The following COA8 variants were observed in gnomAD, a reference collection of about 807,000 sequenced individuals.
The protein encoded by COA8 is cytochrome c oxidase assembly factor 8.
Under a neutral mutation model 22.0 loss-of-function variants are expected in COA8, and 20 were observed. The observed-to-expected ratio is 0.91, with a 90% CI of 0.64 to 1.32. COA8 has a LOEUF of 1.32. COA8 is among the 40% of genes most tolerant of loss of function. The pLI, the probability that COA8 is intolerant of heterozygous loss-of-function variation, is 0.00. For missense variants in COA8, 266 were observed against 230.0 expected, an observed-to-expected ratio of 1.16 and a Z score of -1.01; for synonymous variants, 105 against 79.9, an observed-to-expected ratio of 1.31 and a Z score of -1.68.
intron 3 of COA8, among the ~76,000 whole-genome samples, chr14:103,578,221 G>C (rs1349291470): frequency 6.6e-6 from 1 of 151,976 alleles, no homozygotes; most frequent in Admixed American, 6.6e-5. Flanking sequence ...GGGAAACATG[G>C]GAAGAGTTCA....
At chr14:103,570,913 G>A (rs1392506344) in intron 1 of COA8, among the ~76,000 whole-genome samples, 1 of 152,222 alleles carries the variant, frequency 6.6e-6, no homozygotes, top group African/African-American at 2.4e-5. Context: ...AATCACAGGG[G>A]TGTGGGACTC....
At chr14:103,568,048 A>G (rs115701329) in intron 1 of COA8, among the ~76,000 whole-genome samples, 1,906 of 152,212 alleles carry the variant, frequency 0.013, 37 homozygotes, top group African/African-American at 0.043. Context: ...ACCCTCAGTA[A>G]ATATGAAGTT....
intron 3 of COA8, 35 bp from the exon 4 acceptor site, chr14:103,587,236 CCTT>C (rs1189551968): frequency 2.6e-6 from 4 of 1,565,970 alleles, no homozygotes; most frequent in Non-Finnish European, 3.5e-6. Flanking sequence ...TATCCTTTCT[CCTT>C]AAGTCTTAAT....
chr14:103,577,781 T>C (rs1318868984), intron 3 of COA8, among the ~76,000 whole-genome samples: 1 of 151,926 alleles, frequency 6.6e-6, no homozygotes, highest in Non-Finnish European at 1.5e-5. Flanking sequence ...TCCCAGCACT[T>C]TGGGAGGCTG....
At chr14:103,580,797 GTT>G (rs377472697) in intron 3 of COA8, among the ~76,000 whole-genome samples, 8 of 122,532 alleles carry the variant, frequency 6.5e-5, no homozygotes, top group East Asian at 2.5e-4. Flanking sequence ...TTGGCCTGTT[GTT>G]TTTTTTTTTT....
At chr14:103,567,241 C>T (rs568403301) in intron 1 of COA8, among the ~76,000 whole-genome samples, 22 of 151,916 alleles carry the variant, frequency 1.4e-4, no homozygotes, top group African/African-American at 3.4e-4. Context: ...GGCGTGGTGG[C>T]GCATGCCTGT....
chr14:103,570,385 C>G (rs1338218847), intron 1 of COA8, among the ~76,000 whole-genome samples: 1 of 152,132 alleles, frequency 6.6e-6, no homozygotes, highest in Non-Finnish European at 1.5e-5. Flanking sequence ...GACAGTTCTT[C>G]TTGCCCATTG....
chr14:103,574,688 C>T, intron 3 of COA8: 4 of 315,274 alleles, frequency 1.3e-5, no homozygotes, highest in South Asian at 1.0e-4. Flanking sequence ...CTTTGCCTCA[C>T]CTGATTCATT....
At position 103,587,362 on chromosome 14, in the gene COA8, C is replaced by T. The variant is rs2076315856; in HGVS notation, c.474C>T (p.Asn158=). 4 of 1,607,450 alleles carry T rather than the reference C, an allele frequency of 2.5e-6. No homozygotes were observed. Among genetic ancestry groups the T allele is most frequent in the Non-Finnish European group, 2.6e-6 (3 of 1,175,158 alleles). Residue 158 remains asparagine, a splice_region_variant and synonymous_variant, in exon 4 of 5, where the codon AAC becomes AAT. Coordinates refer to ENST00000409074, the MANE Select transcript of COA8 (RefSeq NM_001370595.2). ...ATTTTCAGAAGCACATGTATTATAACAGGTAGGTGTTTACTCTTTTCCTGA... is the reference window on the plus strand; with the variant it reads ...ATTTTCAGAAGCACATGTATTATAATAGGTAGGTGTTTACTCTTTTCCTGA... ...SKNFQKHMYY[N]RDWYKRNFAI... is the part of the protein sequence containing the mutation.
Position 103,563,115 on chromosome 14 carries a change from GC to G in COA8, c.117del (p.Ser40AlafsTer17). 6.5e-7 allele frequency: 1 copy of G among 1,539,450 alleles called. No individual in the cohort carries two copies. On this transcript the variant is annotated frameshift_variant, in exon 1 of 5. Coordinates refer to ENST00000409074, the MANE Select transcript of COA8 (RefSeq NM_001370595.2). LOFTEE classifies it high-confidence loss of function. The stretch of plus-strand genomic sequence containing the variant: ...GCGGCGCCGAGCGCAGGGATACGGC[GC>G]CCAGCGGGGTAAGCAGGGGCCTGGG... ...ERGAERRDTA[P>X]SGVSRFCPPR...
chr14:103,585,233 C>T (rs967523267), intron 3 of COA8, among the ~76,000 whole-genome samples: 3 of 151,998 alleles, frequency 2.0e-5, no homozygotes, highest in African/African-American at 7.2e-5. Flanking sequence ...AATACCAGCA[C>T]TTTGGGAGGC....
chr14:103,571,353 A>G (rs1041397099), intron 1 of COA8, among the ~76,000 whole-genome samples: 2 of 151,820 alleles, frequency 1.3e-5, no homozygotes, highest in African/African-American at 4.8e-5. Context: ...TGAGCGACAG[A>G]GTGAGACTCT....
At chr14:103,585,931 G>A (rs537783690) in intron 3 of COA8, among the ~76,000 whole-genome samples, 1 of 144,960 alleles carries the variant, frequency 6.9e-6, no homozygotes, top group Non-Finnish European at 1.5e-5. Context: ...ACGGAGTTTC[G>A]CTGTTGTTGC....
chr14:103,589,386 T>C (rs2076333687), intron 4 of COA8, among the ~76,000 whole-genome samples: 1 of 152,128 alleles, frequency 6.6e-6, no homozygotes, highest in African/African-American at 2.4e-5. Context: ...TGTCCTGCCA[T>C]GCAGAGCCTC....
intron 1 of COA8, among the ~76,000 whole-genome samples, chr14:103,567,188 C>T (rs1334694548): frequency 6.6e-6 from 1 of 152,050 alleles, no homozygotes; most frequent in African/African-American, 2.4e-5. Context: ...GCCTGGCCAA[C>T]GTGGTGAAAC....
intron 3 of COA8, among the ~76,000 whole-genome samples, chr14:103,586,658 G>A (rs560265827): frequency 1.7e-5 from 2 of 120,222 alleles, no homozygotes; most frequent in Non-Finnish European, 1.7e-5. Context: ...TTTTTGATTC[G>A]GAGTTTTACT....
At chr14:103,574,296 G>A in intron 3 of COA8, 126 bp downstream of exon 3, 2 of 1,296,360 alleles carry the variant, frequency 1.5e-6, no homozygotes, top group Non-Finnish European at 2.2e-6. Flanking sequence ...CTTTGGGGCA[G>A]TGCTCGGCAC....
chr14:103,582,319 G>C (rs1347747287), intron 3 of COA8, among the ~76,000 whole-genome samples: 2 of 152,130 alleles, frequency 1.3e-5, no homozygotes, highest in East Asian at 3.9e-4. Flanking sequence ...CCCTACTTCA[G>C]GGCAGCCCTG....
At chr14:103,585,897 T>C (rs893281014) in intron 3 of COA8, among the ~76,000 whole-genome samples, 1 of 147,622 alleles carries the variant, frequency 6.8e-6, no homozygotes, top group Non-Finnish European at 1.5e-5. Flanking sequence ...TTGTTTTTTG[T>C]TTTTTTTTGT....
Sources: allele counts gnomAD v4.1 joint callset (sites outside exome capture counted in the v4.1 genomes callset), GRCh38; gene constraint gnomAD v4.1.1; transcripts MANE v1.5; gene names NCBI Gene and HGNC (gene_info 2026-07-23, HGNC 2026-07-21).